Variants in PHF3 observed in about 807,000 individuals in gnomAD.
The protein encoded by PHF3 is PHD finger protein 3.
A neutral mutation model predicts 178.4 loss-of-function variants in PHF3; 41 were observed. That is an observed-to-expected ratio of 0.23 (90% CI 0.18 to 0.30). The LOEUF (loss-of-function observed/expected upper bound fraction) is 0.30. Among genes scored for constraint, PHF3 ranks in the 10% least tolerant of loss-of-function variants. The pLI is 1.00. For synonymous variants in PHF3, 842 were observed against 800.5 expected, an observed-to-expected ratio of 1.05 and a Z score of -0.88; for missense variants, 2,346 against 2,398.1, an observed-to-expected ratio of 0.98 and a Z score of 0.45.
chr6:63,636,695 C>G (rs1423393271), intron 1 of PHF3: 4 of 152,368 alleles, frequency 2.6e-5, no homozygotes, highest in African/African-American at 7.2e-5. Context: ...TTCCATTTAT[C>G]CTCCAGTTAC....
intron 10 of PHF3, among the ~76,000 whole-genome samples, chr6:63,703,313 G>A (rs1156942753): frequency 3.9e-5 from 6 of 152,106 alleles, no homozygotes; most frequent in Non-Finnish European, 5.9e-5. Context: ...TAGAAGGCTT[G>A]AAGAATGGGG....
At chr6:63,642,794 A>G (rs561827104) in intron 1 of PHF3, among the ~76,000 whole-genome samples, 19 of 152,308 alleles carry the variant, frequency 1.2e-4, no homozygotes, top group Admixed American at 9.8e-4. Context: ...GAATTTGTTT[A>G]AATTAGACAA....
At chr6:63,675,552 G>T (rs947855713) in intron 2 of PHF3, among the ~76,000 whole-genome samples, 9 of 152,168 alleles carry the variant, frequency 5.9e-5, no homozygotes, top group Non-Finnish European at 1.2e-4. Flanking sequence ...TGAAGGCAAT[G>T]TAGAGCTTGA....
At chr6:63,654,889 CTTTTTTTTTT>C (rs34787470) in intron 2 of PHF3, among the ~76,000 whole-genome samples, 1 of 94,788 alleles carries the variant, frequency 1.1e-5, no homozygotes, top group Non-Finnish European at 2.0e-5. Flanking sequence ...ATTAGGTGAC[CTTTTTTTTTT>C]TTTTTTTTTT....
chr6:63,710,530 C>A (rs796461196), intron 14 of PHF3, among the ~76,000 whole-genome samples: 1 of 152,134 alleles, frequency 6.6e-6, no homozygotes, highest in Non-Finnish European at 1.5e-5. Flanking sequence ...TTGAACACTA[C>A]CAAATTAATA....
At chr6:63,655,268 G>A (rs1765187334) in intron 2 of PHF3, among the ~76,000 whole-genome samples, 1 of 151,936 alleles carries the variant, frequency 6.6e-6, no homozygotes, top group Admixed American at 6.6e-5. Context: ...GTAGAGATAG[G>A]GTTTCTCCAT....
chr6:63,711,579 T>C lies in PHF3; in HGVS notation c.3998-7T>C. 6.4e-7 allele frequency: 1 copy of C among 1,553,932 alleles called. No individual in the cohort carries two copies. On this transcript the variant is annotated splice_region_variant and splice_polypyrimidine_tract_variant and intron_variant, in intron 15 of 15. Coordinates refer to ENST00000262043, the MANE Select transcript of PHF3 (RefSeq NM_001370348.2). ...ATGAATTAATTGATGTTTTTGGTTT[T>C]ATACAGGGCTTGAACTGCATAGACC...
intron 13 of PHF3, among the ~76,000 whole-genome samples, chr6:63,708,852 G>T (rs1767802789): frequency 1.3e-5 from 2 of 152,144 alleles, no homozygotes; most frequent in Non-Finnish European, 2.9e-5. Context: ...TTTCTGAATT[G>T]TTAATGTGGT....
At chr6:63,645,138 G>A (rs1764731567) in intron 1 of PHF3, among the ~76,000 whole-genome samples, 1 of 151,866 alleles carries the variant, frequency 6.6e-6, no homozygotes, top group South Asian at 2.1e-4. Flanking sequence ...CCCACTTCCC[G>A]AAGTGCTAGG....
intron 11 of PHF3, among the ~76,000 whole-genome samples, chr6:63,704,170 A>G (rs1388853794): frequency 6.6e-6 from 1 of 152,160 alleles, no homozygotes; most frequent in East Asian, 1.9e-4. Context: ...CCCTACGTGC[A>G]TAGTCTCCAC....
chr6:63,660,546 C>T (rs1216692237), intron 2 of PHF3, among the ~76,000 whole-genome samples: 1 of 152,016 alleles, frequency 6.6e-6, no homozygotes, highest in African/African-American at 2.4e-5. Context: ...TTGATGATCT[C>T]TTCTTAATGG....
In PHF3 at chr6:63,684,153, G is replaced by A; in HGVS notation, c.431G>A (p.Ser144Asn). The A allele has an allele frequency of 6.2e-7, 1 of 1,610,562 alleles. No homozygotes were observed. Among genetic ancestry groups the A allele is most frequent in the Non-Finnish European group, 8.5e-7 (1 of 1,178,864 alleles). Reference protein sequence around the residue: ...AQEQVRSLRQSTIAKRSNAAP... With the variant: ...AQEQVRSLRQNTIAKRSNAAP... Reference sequence around the variant, plus strand: ...GAACAAGTAAGAAGTTTGCGACAGAGCACTATTGCCAAGCGTTCAAATGCA... The same window carrying A: ...GAACAAGTAAGAAGTTTGCGACAGAACACTATTGCCAAGCGTTCAAATGCA... Residue 144 changes from serine (S) to asparagine (N), a missense_variant, in exon 4 of 16, where the codon AGC (serine) becomes AAC (asparagine). By Grantham distance (46) the Ser-to-Asn change is conservative (BLOSUM62 1). Coordinates refer to ENST00000262043, the MANE Select transcript of PHF3 (RefSeq NM_001370348.2).
intron 14 of PHF3, among the ~76,000 whole-genome samples, chr6:63,709,733 C>G (rs1198287692): frequency 6.6e-6 from 1 of 152,170 alleles, no homozygotes; most frequent in Non-Finnish European, 1.5e-5. Flanking sequence ...TGGAAAGAAC[C>G]TAGTCACATA....
intron 3 of PHF3, 128 bp from the exon 4 acceptor site, chr6:63,684,001 G>C (rs1371637724): frequency 1.5e-6 from 1 of 651,808 alleles, no homozygotes; most frequent in African/African-American, 1.8e-5. Context: ...TATGAGTACT[G>C]TTCAATACAT....
At chr6:63,667,969 A>G (rs1765749488) in intron 2 of PHF3, among the ~76,000 whole-genome samples, 1 of 152,212 alleles carries the variant, frequency 6.6e-6, no homozygotes, top group Non-Finnish European at 1.5e-5. Context: ...TCTTCTTCCT[A>G]AATACTTGAG....
chr6:63,696,615 T>C (rs1767239376), intron 6 of PHF3, among the ~76,000 whole-genome samples: 1 of 152,126 alleles, frequency 6.6e-6, no homozygotes, highest in Admixed American at 6.6e-5. Flanking sequence ...CCATTGAACC[T>C]GGCCATCAGC....
intron 3 of PHF3, 22 bp downstream of exon 3, chr6:63,680,183 A>G (rs2149578037): frequency 6.4e-7 from 1 of 1,571,396 alleles, no homozygotes; most frequent in East Asian, 2.2e-5. Context: ...AGAGAGGTCT[A>G]GCTAGAAAAT....
At position 63,691,886 on chromosome 6, in the gene PHF3, T is replaced by G; in HGVS notation, c.2339T>G (p.Leu780Arg). ...GAAGAAGACAAAAAGACTGAAATACTAGATCCAGATACTTTGGAAAACCAA... is the reference window on the plus strand; with the variant it reads ...GAAGAAGACAAAAAGACTGAAATACGAGATCCAGATACTTTGGAAAACCAA... The part of the protein sequence containing the change: ...CAEEDKKTEI[L>R]DPDTLENQAT... Residue 780 changes from leucine (L) to arginine (R), a missense_variant, in exon 5 of 16, where the codon CTA becomes CGA. By Grantham distance (102) the Leu-to-Arg change is moderately radical. Around this residue, in one of 8 missense-constraint regions of PHF3, gnomAD observed 252 missense variants for 232.0 expected, o/e 1.09. Coordinates refer to ENST00000262043, the MANE Select transcript of PHF3 (RefSeq NM_001370348.2). 6.2e-7 allele frequency: 1 copy of G among 1,613,672 alleles called. No individual in the cohort carries two copies. The highest frequency in any genetic ancestry group is 8.5e-7 in the Non-Finnish European group (1 of 1,179,832).
chr6:63,681,116 C>T lies in PHF3; in HGVS notation c.406+955C>T, dbSNP rs573316386. Among the ~76,000 whole-genome samples, 5 of 152,126 alleles carry T rather than the reference C, an allele frequency of 3.3e-5. No homozygotes were observed. In the East Asian group the frequency reaches 7.7e-4, roughly 24 times the overall value. On this transcript the variant is annotated intron_variant, in intron 3 of 15. Transcript: ENST00000262043. ...AAAATTCAAGGTTGGAAATCATTTT[C>T]CTTCAGAAATTCTGAAGGTGTTGCT...
Sources: allele counts gnomAD v4.1 joint callset (sites outside exome capture counted in the v4.1 genomes callset), GRCh38; gene constraint gnomAD v4.1.1; regional missense constraint gnomAD v4.1.1; transcripts MANE v1.5; gene names NCBI Gene and HGNC (gene_info 2026-07-23, HGNC 2026-07-21).